Variants in NCKAP5 observed in about 807,000 individuals in gnomAD.
The protein encoded by NCKAP5 is nck-associated protein 5.
NCKAP5 carries 92 observed loss-of-function variants against 167.0 expected under a neutral mutation model. The observed-to-expected ratio is 0.55, with a 90% CI of 0.47 to 0.66. NCKAP5 has a LOEUF of 0.66. Ranked by LOEUF, NCKAP5 falls within the 30% of genes least tolerant of loss-of-function variation. NCKAP5 has a pLI of 0.00. For synonymous variants in NCKAP5, 891 were observed against 877.4 expected, an observed-to-expected ratio of 1.02 and a Z score of -0.27; for missense variants, 2,378 against 2,315.0, an observed-to-expected ratio of 1.03 and a Z score of -0.56.
rs569912157 is a variant in NCKAP5 at position 133,255,412 on chromosome 2, G to T, written c.144-41633C>A. Among the ~76,000 whole-genome samples the T allele has an allele frequency of 2.6e-5, 4 of 152,248 alleles. No individual in the cohort carries two copies. In the East Asian group the frequency reaches 7.7e-4, roughly 29 times the overall value. ...ATTTTTGGAAGCAAAGCCATGAAAAGCAGAAACCCTGTGGTTTCTACTGAA... is the reference window on the plus strand; with the variant it reads ...ATTTTTGGAAGCAAAGCCATGAAAATCAGAAACCCTGTGGTTTCTACTGAA... On this transcript the variant is annotated intron_variant, in intron 4 of 19. Transcript: ENST00000409261.
At chr2:133,107,145 G>T (rs545347386) in intron 6 of NCKAP5, among the ~76,000 whole-genome samples, 11 of 152,308 alleles carry the variant, frequency 7.2e-5, no homozygotes, top group South Asian at 6.2e-4. Context: ...TGCAGGTGAA[G>T]CTGGAGCAAA....
chr2:133,538,931 GTTTTTTT>G (rs71412735), intron 2 of NCKAP5, among the ~76,000 whole-genome samples: 1 of 108,586 alleles, frequency 9.2e-6, no homozygotes, highest in African/African-American at 4.0e-5. Context: ...GTTTTTTTGG[GTTTTTTT>G]TTTTTTTTTT....
chr2:133,111,012 C>T (rs1283723570), intron 6 of NCKAP5, among the ~76,000 whole-genome samples: 1 of 152,192 alleles, frequency 6.6e-6, no homozygotes, highest in South Asian at 2.1e-4. Context: ...TACAAAGGCA[C>T]CATCAGTCTT....
At chr2:133,600,592 A>G in the NCKAP5 span, among the ~76,000 whole-genome samples, 1 of 152,242 alleles carries the variant, frequency 6.6e-6, no homozygotes, top group Non-Finnish European at 1.5e-5. Context: ...AAGTTCCATT[A>G]TAAATCCTTT....
At chr2:133,084,769 C>T (rs2080928565) in intron 6 of NCKAP5, among the ~76,000 whole-genome samples, 1 of 152,162 alleles carries the variant, frequency 6.6e-6, no homozygotes, top group Non-Finnish European at 1.5e-5. Flanking sequence ...CATCAGGACA[C>T]AGAACATCCT....
At chr2:133,019,032 C>T (rs1186530133) in intron 6 of NCKAP5, among the ~76,000 whole-genome samples, 6 of 152,158 alleles carry the variant, frequency 3.9e-5, no homozygotes, top group Admixed American at 2.0e-4. Flanking sequence ...AAGAAACAGG[C>T]CCAACTATGG....
At chr2:132,681,070 T>TATCA (rs1685161488) in intron 19 of NCKAP5, among the ~76,000 whole-genome samples, 1 of 152,192 alleles carries the variant, frequency 6.6e-6, no homozygotes, top group Admixed American at 6.5e-5. Flanking sequence ...AGCTCATTGC[T>TATCA]ATCAGCCTGT....
chr2:133,417,812 T>C (rs1361916331), intron 3 of NCKAP5, among the ~76,000 whole-genome samples: 1 of 152,196 alleles, frequency 6.6e-6, no homozygotes, highest in Non-Finnish European at 1.5e-5. Context: ...GAAAAAGCTA[T>C]TATGTCGTGA....
chr2:133,041,656 C>T (rs1366902589), intron 6 of NCKAP5, among the ~76,000 whole-genome samples: 3 of 152,076 alleles, frequency 2.0e-5, no homozygotes, highest in Non-Finnish European at 4.4e-5. Flanking sequence ...TGCCTTGCTT[C>T]GTCTGCCAAA....
intron 5 of NCKAP5, among the ~76,000 whole-genome samples, chr2:133,167,051 G>T (rs1213511479): frequency 6.6e-6 from 1 of 152,154 alleles, no homozygotes; most frequent in Non-Finnish European, 1.5e-5. Flanking sequence ...CAGGTCTTAA[G>T]ATTAACAGGT....
chr2:132,784,556 G>A lies in NCKAP5; in HGVS notation c.2255C>T (p.Pro752Leu). 1.3e-6 allele frequency: 2 copies of A among 1,575,782 alleles called. No individual in the cohort carries two copies. The highest frequency in any genetic ancestry group is 1.2e-5 in the South Asian group (1 of 84,104). Residue 752 changes from proline to leucine, a missense_variant, in exon 14 of 20, where the codon CCC becomes CTC. Transcript: ENST00000409261. ...NIPKDNVDNV[P>L]RVSTESFSSR... ...GCTGAAAGATTCAGTGGACACCCTG[G>A]GAACATTATCTACATTATCTTTTGG...
chr2:133,673,763 T>C, the NCKAP5 span, among the ~76,000 whole-genome samples: 1 of 152,322 alleles, frequency 6.6e-6, no homozygotes, highest in African/African-American at 2.4e-5. Flanking sequence ...ACTGGCACAT[T>C]AAAGATTAAT....
intron 2 of NCKAP5, 102 bp from the exon 3 acceptor site, chr2:133,517,689 C>T (rs1684123300): frequency 2.4e-6 from 1 of 418,898 alleles, no homozygotes. Flanking sequence ...AAAAAATACC[C>T]AGTCCCAAAT....
chr2:132,918,264 G>T (rs980562479), intron 8 of NCKAP5, among the ~76,000 whole-genome samples: 26 of 152,108 alleles, frequency 1.7e-4, no homozygotes, highest in African/African-American at 6.0e-4. Flanking sequence ...AGGAAAGGCT[G>T]GTTTTTTTCT....
At chr2:133,479,881 T>G (rs917761964) in intron 3 of NCKAP5, among the ~76,000 whole-genome samples, 2 of 151,804 alleles carry the variant, frequency 1.3e-5, no homozygotes, top group Non-Finnish European at 2.9e-5. Flanking sequence ...AGAAACTTAG[T>G]GGAGGATATG....
At chr2:133,589,314 G>A in the NCKAP5 span, among the ~76,000 whole-genome samples, 6 of 152,166 alleles carry the variant, frequency 3.9e-5, no homozygotes, top group Non-Finnish European at 8.8e-5. Flanking sequence ...AATTAAAAAG[G>A]CAAGAATACA....
At chr2:133,528,754 T>C (rs988242561) in intron 2 of NCKAP5, among the ~76,000 whole-genome samples, 3 of 152,230 alleles carry the variant, frequency 2.0e-5, no homozygotes, top group African/African-American at 7.2e-5. Context: ...TTTGGAATCC[T>C]AGAATCTTAG....
At chr2:132,995,796 G>A (rs1559032083) in intron 6 of NCKAP5, among the ~76,000 whole-genome samples, 1 of 151,974 alleles carries the variant, frequency 6.6e-6, no homozygotes, top group Non-Finnish European at 1.5e-5. Context: ...CCAACATAAT[G>A]AAAACCCATC....
At chr2:133,231,489 G>A (rs1307900473) in intron 4 of NCKAP5, among the ~76,000 whole-genome samples, 1 of 152,180 alleles carries the variant, frequency 6.6e-6, no homozygotes, top group Non-Finnish European at 1.5e-5. Flanking sequence ...AAGCAGGTTG[G>A]AAGGGATGAA....
Sources: allele counts gnomAD v4.1 joint callset (sites outside exome capture counted in the v4.1 genomes callset), GRCh38; gene constraint gnomAD v4.1.1; transcripts MANE v1.5; gene names NCBI Gene and HGNC (gene_info 2026-07-23, HGNC 2026-07-21).